Variants in UNC5D observed in about 807,000 individuals in gnomAD.
The protein encoded by UNC5D is unc-5 netrin receptor D.
In UNC5D, 39 loss-of-function variants were observed where a neutral mutation model predicts 105.4. The ratio of observed to expected loss-of-function variants is 0.37; its 90% confidence interval spans 0.29 to 0.48. The LOEUF (loss-of-function observed/expected upper bound fraction) is 0.48. Ranked by LOEUF, UNC5D falls within the 20% of genes least tolerant of loss-of-function variation. UNC5D has a pLI of 0.98. For missense variants in UNC5D, 991 were observed against 1,202.4 expected (o/e 0.82, Z 2.60); for synonymous variants, 452 against 450.4 (o/e 1.00, Z -0.04).
intron 1 of UNC5D, among the ~76,000 whole-genome samples, chr8:35,424,104 A>G (rs1304657664): frequency 6.6e-6 from 1 of 152,134 alleles, no homozygotes; most frequent in Non-Finnish European, 1.5e-5. Context: ...CCAGCCAAGG[A>G]GTACTTAATG....
At chr8:35,363,429 A>G (rs1282746525) in intron 1 of UNC5D, among the ~76,000 whole-genome samples, 3 of 152,182 alleles carry the variant, frequency 2.0e-5, no homozygotes, top group South Asian at 2.1e-4. Flanking sequence ...GGTCCCTCCC[A>G]TAACACATGG....
At chr8:35,630,978 GTGGAAACAC>G (rs1223397049) in intron 4 of UNC5D, among the ~76,000 whole-genome samples, 73 of 152,314 alleles carry the variant, frequency 4.8e-4, no homozygotes, top group Non-Finnish European at 7.9e-4. Context: ...TTTCTCCTTT[GTGGAAACAC>G]AGAATGTTTG....
chr8:35,434,288 A>G (rs1806855978), intron 1 of UNC5D, among the ~76,000 whole-genome samples: 1 of 152,156 alleles, frequency 6.6e-6, no homozygotes, highest in South Asian at 2.1e-4. Context: ...AAATGTAGCA[A>G]GTTCCACTAA....
chr8:35,482,744 A>C (rs2129993843), intron 1 of UNC5D, among the ~76,000 whole-genome samples: 1 of 149,252 alleles, frequency 6.7e-6, no homozygotes, highest in East Asian at 2.0e-4. Flanking sequence ...AAAATGAATA[A>C]TTTGCAAGGT....
intron 1 of UNC5D, among the ~76,000 whole-genome samples, chr8:35,358,288 A>G (rs980284846): frequency 6.6e-6 from 1 of 152,212 alleles, no homozygotes; most frequent in Non-Finnish European, 1.5e-5. Context: ...AAAATGTGGT[A>G]CATATACACC....
intron 1 of UNC5D, among the ~76,000 whole-genome samples, chr8:35,510,310 CAAAAAAAAA>C (rs11317897): frequency 1.4e-5 from 1 of 71,862 alleles, no homozygotes; most frequent in Admixed American, 1.6e-4. Flanking sequence ...TTTTTATATC[CAAAAAAAAA>C]AAAAAAAAAA....
chr8:35,778,927 G>A (rs1163207567), intron 16 of UNC5D, among the ~76,000 whole-genome samples: 1 of 152,248 alleles, frequency 6.6e-6, no homozygotes, highest in East Asian at 1.9e-4. Context: ...TGCGAGAAAT[G>A]TCAGGAGTGT....
At chr8:35,512,513 CATAGATTATATAT>C (rs1563488254) in intron 1 of UNC5D, among the ~76,000 whole-genome samples, 22 of 30,768 alleles carry the variant, frequency 7.2e-4, no homozygotes, top group South Asian at 2.6e-3. Context: ...TATATATCTG[CATAGATTATATAT>C]TCAGATATGT....
chr8:35,724,052 C>A, intron 9 of UNC5D: 1 of 1,189,802 alleles, frequency 8.4e-7, no homozygotes, highest in Non-Finnish European at 1.1e-6. Flanking sequence ...TGGTTGCTTC[C>A]TCTTACCCTA....
chr8:35,273,969 A>G (rs1348428638), intron 1 of UNC5D, among the ~76,000 whole-genome samples: 2 of 151,770 alleles, frequency 1.3e-5, no homozygotes, highest in Non-Finnish European at 2.9e-5. Context: ...CCTTTTATGG[A>G]GTTTTTATAT....
chr8:35,661,422 A>T (rs1824096963), intron 4 of UNC5D, among the ~76,000 whole-genome samples: 1 of 152,148 alleles, frequency 6.6e-6, no homozygotes, highest in Non-Finnish European at 1.5e-5. Flanking sequence ...TATTCTTGAG[A>T]GAGAGTTTGT....
At chr8:35,617,434 T>C (rs1013305706) in intron 4 of UNC5D, among the ~76,000 whole-genome samples, 1 of 152,234 alleles carries the variant, frequency 6.6e-6, no homozygotes, top group Non-Finnish European at 1.5e-5. Flanking sequence ...CTGATCTTAC[T>C]GCAGTTGAGC....
intron 1 of UNC5D, chr8:35,256,286 A>G (rs1804068703): frequency 1.3e-5 from 2 of 152,208 alleles, no homozygotes; most frequent in Admixed American, 1.3e-4. Flanking sequence ...ACCAACTACA[A>G]TGAATATTTG....
intron 1 of UNC5D, among the ~76,000 whole-genome samples, chr8:35,526,474 T>C (rs1207595857): frequency 6.6e-6 from 1 of 152,228 alleles, no homozygotes; most frequent in African/African-American, 2.4e-5. Context: ...TGAGTTGTTG[T>C]AGTTGTCATA....
intron 4 of UNC5D, among the ~76,000 whole-genome samples, chr8:35,663,486 T>C (rs1447743704): frequency 6.6e-6 from 1 of 152,204 alleles, no homozygotes; most frequent in Non-Finnish European, 1.5e-5. Context: ...TGAGTGTTCA[T>C]GTCCAGCTAA....
At chr8:35,436,807 A>G (rs1807046455) in intron 1 of UNC5D, among the ~76,000 whole-genome samples, 1 of 152,130 alleles carries the variant, frequency 6.6e-6, no homozygotes, top group South Asian at 2.1e-4. Flanking sequence ...TTAAGAAACA[A>G]AACAAATGAC....
chr8:35,375,088 G>A (rs532378151), intron 1 of UNC5D, among the ~76,000 whole-genome samples: 1 of 152,198 alleles, frequency 6.6e-6, no homozygotes, highest in African/African-American at 2.4e-5. Context: ...GTGATGAACA[G>A]TTGAAATTAG....
At chr8:35,663,251 C>A (rs1824220351) in intron 4 of UNC5D, among the ~76,000 whole-genome samples, 1 of 152,066 alleles carries the variant, frequency 6.6e-6, no homozygotes, top group African/African-American at 2.4e-5. Flanking sequence ...AAACAGTCAA[C>A]ACATTCCTAT....
At chr8:35,752,410 A>G (rs933460555) in intron 13 of UNC5D, among the ~76,000 whole-genome samples, 2 of 152,116 alleles carry the variant, frequency 1.3e-5, no homozygotes, top group Admixed American at 1.3e-4. Flanking sequence ...AAAAAATATC[A>G]CGACCTCACT....
Sources: gnomAD v4.1 joint callset for allele counts (sites outside exome capture counted in the v4.1 genomes callset) on GRCh38, gnomAD v4.1.1 for gene constraint, MANE v1.5 for transcripts, NCBI Gene and HGNC (gene_info 2026-07-23, HGNC 2026-07-21) for gene names.